HELZ2: variants seen among roughly 807,000 people sequenced by gnomAD.
The protein encoded by HELZ2 is helicase with zinc finger 2.
HELZ2 carries 143 observed loss-of-function variants against 208.8 expected under a neutral mutation model. That is an observed-to-expected ratio of 0.68 (90% CI 0.60 to 0.79). HELZ2 has a LOEUF of 0.79. Among genes scored for constraint, HELZ2 ranks in the 30% least tolerant of loss-of-function variants. The probability of loss-of-function intolerance (pLI) is 0.00; values close to 1 mark genes in which losing one functional copy is unlikely to be tolerated. For missense variants in HELZ2, 3,690 were observed against 3,794.5 expected (o/e 0.97, Z 0.72); for synonymous variants, 1,705 against 1,693.7 (o/e 1.01, Z -0.16).
chr20:63,565,997 C>T (rs1265893024), exon 8 of HELZ2: 1 of 1,598,292 alleles, frequency 6.3e-7, no homozygotes, highest in Non-Finnish European at 8.5e-7. Flanking sequence ...GCCCTCGGGG[C>T]AGACACTGTG....
At chr20:63,573,601 C>T (rs1447399144), upstream of HELZ2, among the ~76,000 whole-genome samples, 1 of 152,158 alleles carries the variant, frequency 6.6e-6, no homozygotes, top group Non-Finnish European at 1.5e-5. This position sits in a 1 kb window ranked among gnomAD's most constrained non-coding sequence, Gnocchi z 4.9. Flanking sequence ...GGGTCCTGTG[C>T]ACCCCAGGGC....
chr20:63,568,486 C>T, exon 5 of HELZ2: 1 of 1,589,354 alleles, frequency 6.3e-7, no homozygotes, highest in Non-Finnish European at 8.5e-7. Context: ...GGACACGCCT[C>T]CCATCCCCAG....
At chr20:63,568,766 G>A (rs1489977507) in exon 5 of HELZ2, 1 of 1,605,950 alleles carries the variant, frequency 6.2e-7, no homozygotes, top group Non-Finnish European at 8.5e-7. Flanking sequence ...CGCCTGCTCT[G>A]AGCTGGCCCG....
In HELZ2 at chr20:63,565,682, GCTGC is replaced by G. The variant is rs2082946195; in HGVS notation, c.3136_3139del (p.Ala1046ArgfsTer39). ...CTCAGCCTCCGTGGACTCCACGCCC[GCTGC>G]AGCAGCCGCTCCTGCCGCACAGGCC... On this transcript the variant is annotated frameshift_variant, in exon 8 of 19. Coordinates refer to ENST00000467148, the Ensembl canonical transcript of HELZ2. LOFTEE classifies it high-confidence loss of function. 2 of 1,608,622 alleles carry G rather than the reference GCTGC, an allele frequency of 1.2e-6. No individual in the cohort carries two copies. Among genetic ancestry groups the G allele is most frequent in the African/African-American group, 1.3e-5 (1 of 74,908 alleles).
At chr20:63,565,358 A>G (rs1569033416) in exon 8 of HELZ2, 14 of 1,607,344 alleles carry the variant, frequency 8.7e-6, no homozygotes, top group Non-Finnish European at 1.1e-5. Flanking sequence ...CCTGACCTGG[A>G]TGGGGCCCGA....
exon 6 of HELZ2, chr20:63,567,582 G>T: frequency 6.3e-7 from 1 of 1,592,356 alleles, no homozygotes. Context: ...GGTGGCCGCC[G>T]CTGACGTGGC....
exon 11 of HELZ2, chr20:63,561,881 C>G (rs2082891436): frequency 6.4e-7 from 1 of 1,573,924 alleles, no homozygotes; most frequent in Non-Finnish European, 8.6e-7. Flanking sequence ...AGGGACCCCC[C>G]AGCCGCTTCT....
At chr20:63,559,063 A>T, downstream of HELZ2, 1 of 636,324 alleles carries the variant, frequency 1.6e-6, no homozygotes, top group Non-Finnish European at 2.6e-6. Flanking sequence ...CAGGAGGAGC[A>T]AGAGTGTGGG....
At chr20:63,561,573 G>T (rs371237596) in intron 12 of HELZ2, 28 bp downstream of exon 13, 1 of 1,586,522 alleles carries the variant, frequency 6.3e-7, no homozygotes. Flanking sequence ...GCCCCACTCC[G>T]CCCAAGCCCC....
exon 4 of HELZ2, chr20:63,569,327 A>G (rs1405623200): frequency 1.9e-6 from 3 of 1,595,504 alleles, no homozygotes; most frequent in Non-Finnish European, 2.6e-6. Context: ...GCTCCACGCC[A>G]GGCACCACGT....
upstream of HELZ2, among the ~76,000 whole-genome samples, chr20:63,573,678 G>T (rs2083033820): frequency 6.6e-6 from 1 of 152,134 alleles, no homozygotes; most frequent in Non-Finnish European, 1.5e-5. The surrounding 1 kb of genome is among the most constrained non-coding windows in gnomAD (Gnocchi z 4.9). Flanking sequence ...TGGCCCCCAG[G>T]AAAAGAGGAC....
chr20:63,572,116 G>C, exon 1 of HELZ2: 1 of 1,609,204 alleles, frequency 6.2e-7, no homozygotes, highest in Non-Finnish European at 8.5e-7. Flanking sequence ...ACTTTGGGCA[G>C]AGCTCGAACT....
upstream of HELZ2, chr20:63,574,208 G>C (rs1230355512): frequency 6.9e-6 from 1 of 144,430 alleles, no homozygotes; most frequent in African/African-American, 2.6e-5. Context: ...CTGCCCTGCC[G>C]AGCCTGCCCA....
chr20:63,563,252 C>T (rs772328148), exon 8 of HELZ2: 11 of 1,560,278 alleles, frequency 7.1e-6, no homozygotes, highest in South Asian at 2.3e-5. Context: ...CACCAGCTCC[C>T]GCCGCTGGGA....
At chr20:63,568,474 G>C in exon 5 of HELZ2, 1 of 1,593,234 alleles carries the variant, frequency 6.3e-7, no homozygotes, top group Non-Finnish European at 8.5e-7. Flanking sequence ...TGAGTAGCGG[G>C]GGGACACGCC....
At chr20:63,563,828 A>G in exon 8 of HELZ2, 3 of 1,598,186 alleles carry the variant, frequency 1.9e-6, no homozygotes, top group Non-Finnish European at 2.6e-6. Flanking sequence ...GTACCAGTCC[A>G]CCTGCAGCGA....
chr20:63,568,950 C>CA lies in HELZ2; in HGVS notation c.1137_1138insT (p.Ala380CysfsTer83). 5 of 1,606,054 alleles carry CA rather than the reference C, an allele frequency of 3.1e-6. No homozygotes were observed. The highest frequency in any genetic ancestry group is 4.2e-6 in the Non-Finnish European group (5 of 1,179,916). ...GGAGGCGCGAAGAGCATGTTCAGCG[C>CA]TGGCGTCTGCAATGCCGTCTTCAGG... is the stretch of plus-strand genomic sequence containing the variant. On this transcript the variant is annotated frameshift_variant, in exon 5 of 19. Coordinates refer to ENST00000467148, the Ensembl canonical transcript of HELZ2. LOFTEE classifies it high-confidence loss of function.
In HELZ2 at chr20:63,561,983, A is replaced by T. The variant is rs771784413; in HGVS notation, c.6531T>A (p.Gly2177=). 1.9e-6 allele frequency: 3 copies of T among 1,593,048 alleles called. No individual in the cohort carries two copies. The South Asian group carries it at 3.3e-5, about 18-fold the overall frequency. The change falls in exon 11 of 19, where the codon GGT becomes GGA. Residue 2177 remains glycine (G), a splice_region_variant and synonymous_variant. Transcript: ENST00000467148. ...GGAGGCCCACGATCGTCTTCCCTGT[A>T]CCTGCAGCCAGAGAATAGGAGATTG...
At chr20:63,564,820 T>C (rs2146014049) in exon 8 of HELZ2, 2 of 1,610,058 alleles carry the variant, frequency 1.2e-6, no homozygotes, top group Middle Eastern at 1.7e-4. Context: ...GGCAGTCCTC[T>C]CGGCGGCCGG....
Sources: allele counts gnomAD v4.1 joint callset (sites outside exome capture counted in the v4.1 genomes callset), GRCh38; gene constraint gnomAD v4.1.1; non-coding constraint Gnocchi (gnomAD v3.1); transcripts MANE v1.5; gene names NCBI Gene and HGNC (gene_info 2026-07-23, HGNC 2026-07-21).